The following NFATC3 variants were observed in gnomAD, a reference collection of about 807,000 sequenced individuals.
NFATC3 encodes the protein nuclear factor of activated T-cells, cytoplasmic 3.
A neutral mutation model predicts 98.6 loss-of-function variants in NFATC3; 46 were observed. The ratio of observed to expected loss-of-function variants is 0.47; its 90% CI spans 0.37 to 0.60. The LOEUF (loss-of-function observed/expected upper bound fraction) is 0.60. Among genes scored for constraint, NFATC3 ranks in the 20% least tolerant of loss-of-function variants. The pLI, the probability that NFATC3 is intolerant of heterozygous loss-of-function variation, is 0.00. For synonymous variants in NFATC3, 512 were observed against 472.2 expected, an observed-to-expected ratio of 1.08 and a Z score of -1.09; for missense variants, 1,256 against 1,295.5, an observed-to-expected ratio of 0.97 and a Z score of 0.47.
chr16:68,161,598 C>T (rs553948160), intron 4 of NFATC3, among the ~76,000 whole-genome samples: 4 of 152,338 alleles, frequency 2.6e-5, no homozygotes, highest in Non-Finnish European at 2.9e-5. Flanking sequence ...TACCGTACAA[C>T]ACGTGGCCTA....
chr16:68,182,749 C>A (rs918750546), intron 7 of NFATC3, among the ~76,000 whole-genome samples: 1 of 152,006 alleles, frequency 6.6e-6, no homozygotes, highest in Non-Finnish European at 1.5e-5. Flanking sequence ...AAACTCCTGA[C>A]CTCAAGTGAT....
At chr16:68,140,243 C>T (rs530783114) in intron 3 of NFATC3, among the ~76,000 whole-genome samples, 14 of 152,214 alleles carry the variant, frequency 9.2e-5, no homozygotes, top group African/African-American at 1.2e-4. Flanking sequence ...TCAGGTGACC[C>T]GCCCACGTTG....
intron 2 of NFATC3, among the ~76,000 whole-genome samples, chr16:68,124,152 A>C (rs1480902753): frequency 6.6e-6 from 1 of 152,140 alleles, no homozygotes; most frequent in African/African-American, 2.4e-5. Context: ...CCCAGACTGG[A>C]GTGCAGTGGG....
chr16:68,087,245 A>G (rs1390043236), intron 1 of NFATC3, among the ~76,000 whole-genome samples: 2 of 152,258 alleles, frequency 1.3e-5, no homozygotes, highest in South Asian at 2.1e-4. Context: ...TGATTAGAGC[A>G]TATATACAAA....
chr16:68,136,638 T>G (rs1211696894), intron 3 of NFATC3, among the ~76,000 whole-genome samples: 2 of 152,188 alleles, frequency 1.3e-5, no homozygotes, highest in Non-Finnish European at 2.9e-5. Context: ...ATATGTCACT[T>G]AACACCAGGG....
At chr16:68,175,417 G>A (rs1001971362) in intron 6 of NFATC3, among the ~76,000 whole-genome samples, 16 of 152,194 alleles carry the variant, frequency 1.1e-4, no homozygotes, top group Non-Finnish European at 1.8e-4. Context: ...GGATTTTATA[G>A]TATGTGAATT....
chr16:68,176,411 G>A (rs2039710532), intron 6 of NFATC3, among the ~76,000 whole-genome samples: 1 of 140,300 alleles, frequency 7.1e-6, no homozygotes, highest in African/African-American at 2.7e-5. Flanking sequence ...TTGAAAAATT[G>A]TATTTTCAGA....
intron 5 of NFATC3, among the ~76,000 whole-genome samples, chr16:68,170,710 C>G (rs2039420301): frequency 1.3e-5 from 2 of 152,002 alleles, no homozygotes; most frequent in African/African-American, 4.8e-5. Context: ...TCACAGTGGT[C>G]TTGAACTCCT....
intron 1 of NFATC3, among the ~76,000 whole-genome samples, chr16:68,115,933 A>G (rs567781649): frequency 7.7e-4 from 117 of 152,296 alleles, no homozygotes; most frequent in African/African-American, 2.6e-3. Context: ...GTTATGCACT[A>G]GTAAAAATTT....
chr16:68,120,999 A>C (rs549454247), intron 1 of NFATC3, among the ~76,000 whole-genome samples: 2 of 151,954 alleles, frequency 1.3e-5, no homozygotes, highest in African/African-American at 2.4e-5. Context: ...CTTTCAGGCT[A>C]TGTGAATAAG....
At chr16:68,195,186 C>T (rs1170201715) in intron 9 of NFATC3, among the ~76,000 whole-genome samples, 7 of 151,886 alleles carry the variant, frequency 4.6e-5, no homozygotes, top group East Asian at 1.9e-4. Flanking sequence ...ACCTAGGAGG[C>T]GGAGGTTGCA....
chr16:68,219,466 C>G (rs1181845026), intron 9 of NFATC3, among the ~76,000 whole-genome samples: 4 of 152,122 alleles, frequency 2.6e-5, no homozygotes, highest in Non-Finnish European at 4.4e-5. Context: ...GGGCAGGGCT[C>G]TGAAGCGGGA....
chr16:68,133,405 G>A (rs945693661), intron 3 of NFATC3, among the ~76,000 whole-genome samples: 12 of 152,066 alleles, frequency 7.9e-5, no homozygotes, highest in East Asian at 3.9e-4. Context: ...TATTTACTCC[G>A]CAAATATGTA....
chr16:68,157,099 C>T (rs1598463815), intron 3 of NFATC3, among the ~76,000 whole-genome samples: 1 of 151,738 alleles, frequency 6.6e-6, no homozygotes. Context: ...TTCACTACTG[C>T]GATTCAGCCT....
chr16:68,154,824 A>G (rs1351794933), intron 3 of NFATC3, among the ~76,000 whole-genome samples: 2 of 152,216 alleles, frequency 1.3e-5, no homozygotes, highest in Non-Finnish European at 2.9e-5. Flanking sequence ...TAATCACCTT[A>G]TGCTGTGTAA....
intron 6 of NFATC3, among the ~76,000 whole-genome samples, chr16:68,177,128 G>A (rs1174879494): frequency 2.0e-5 from 3 of 150,604 alleles, no homozygotes; most frequent in African/African-American, 4.9e-5. Flanking sequence ...GCTCACTGCA[G>A]CCTCTGCCTC....
At chr16:68,216,601 G>A (rs982499047) in intron 9 of NFATC3, among the ~76,000 whole-genome samples, 1 of 151,228 alleles carries the variant, frequency 6.6e-6, no homozygotes, top group East Asian at 1.9e-4. Flanking sequence ...GCATCATACT[G>A]GCTCACTGCA....
intron 1 of NFATC3, among the ~76,000 whole-genome samples, chr16:68,107,847 G>A (rs2035741893): frequency 6.6e-6 from 1 of 151,216 alleles, no homozygotes; most frequent in South Asian, 2.1e-4. Flanking sequence ...TATGTTTGTT[G>A]GGCTGCATAA....
chr16:68,105,749 A>G (rs1022170261), intron 1 of NFATC3, among the ~76,000 whole-genome samples: 3 of 152,160 alleles, frequency 2.0e-5, no homozygotes, highest in African/African-American at 4.8e-5. Flanking sequence ...CTATGATTCA[A>G]TCTCTTTACT....
Sources: allele counts gnomAD v4.1 joint callset (sites outside exome capture counted in the v4.1 genomes callset), GRCh38; gene constraint gnomAD v4.1.1; transcripts MANE v1.5; gene names NCBI Gene and HGNC (gene_info 2026-07-23, HGNC 2026-07-21).